TTC7B: variants seen among roughly 807,000 people sequenced by gnomAD.
TTC7B encodes tetratricopeptide repeat protein 7B.
A neutral mutation model predicts 106.8 loss-of-function variants in TTC7B; 28 were observed. The observed-to-expected ratio is 0.26, with a 90% confidence interval of 0.19 to 0.36. TTC7B has a LOEUF of 0.36. Among genes scored for constraint, TTC7B ranks in the 10% least tolerant of loss-of-function variants. The pLI, the probability that TTC7B is intolerant of heterozygous loss-of-function variation, is 1.00. For missense variants in TTC7B, 862 were observed against 1,076.4 expected (o/e 0.80, Z 2.79); for synonymous variants, 405 against 430.6 (o/e 0.94, Z 0.74).
intron 15 of TTC7B, among the ~76,000 whole-genome samples, chr14:90,638,926 A>G (rs1311378454): frequency 1.3e-5 from 2 of 152,258 alleles, no homozygotes; most frequent in Admixed American, 1.3e-4. Flanking sequence ...TTGGTTGATG[A>G]CAAAGGTGGA....
At chr14:90,656,242 A>G (rs572228716) in intron 11 of TTC7B, among the ~76,000 whole-genome samples, 1 of 152,362 alleles carries the variant, frequency 6.6e-6, no homozygotes, top group South Asian at 2.1e-4. Flanking sequence ...AAGAGCAAGG[A>G]TATAAGGGTG....
chr14:90,614,052 G>A (rs1030177925), intron 16 of TTC7B, among the ~76,000 whole-genome samples: 1 of 152,196 alleles, frequency 6.6e-6, no homozygotes, highest in African/African-American at 2.4e-5. Context: ...CCTCTTCCCA[G>A]CTCCTGGAAT....
At chr14:90,755,831 C>G (rs1226192571) in intron 3 of TTC7B, among the ~76,000 whole-genome samples, 2 of 152,238 alleles carry the variant, frequency 1.3e-5, no homozygotes, top group Non-Finnish European at 2.9e-5. Flanking sequence ...CAAAATAGCA[C>G]TTGTTTCAAC....
At chr14:90,612,494 G>T (rs902583487) in intron 16 of TTC7B, among the ~76,000 whole-genome samples, 1 of 152,158 alleles carries the variant, frequency 6.6e-6, no homozygotes, top group African/African-American at 2.4e-5. Flanking sequence ...TGAGGTATCG[G>T]CATTGCAAAG....
At chr14:90,747,622 A>G (rs192756961) in intron 3 of TTC7B, among the ~76,000 whole-genome samples, 3 of 152,164 alleles carry the variant, frequency 2.0e-5, no homozygotes, top group Admixed American at 1.3e-4. Context: ...AATGTCATAT[A>G]AATGTCGATT....
At chr14:90,546,674 A>G (rs936044318) in intron 19 of TTC7B, among the ~76,000 whole-genome samples, 4 of 152,228 alleles carry the variant, frequency 2.6e-5, no homozygotes, top group Non-Finnish European at 5.9e-5. Context: ...ATCAGCCTGC[A>G]GGAGGCAGAT....
chr14:90,603,229 T>C (rs1222141738), intron 17 of TTC7B: 5 of 1,281,452 alleles, frequency 3.9e-6, no homozygotes, highest in Non-Finnish European at 5.1e-6. Context: ...CTCGGAAGGA[T>C]TAATAGATTG....
chr14:90,644,357 T>A (rs1885342647), intron 14 of TTC7B, 149 bp from the exon 15 acceptor site: 1 of 860,832 alleles, frequency 1.2e-6, no homozygotes, highest in Non-Finnish European at 1.7e-6. Context: ...TCATTCACAT[T>A]TTAAGCCAAA....
chr14:90,581,151 G>A (rs926033766), intron 18 of TTC7B, among the ~76,000 whole-genome samples: 2 of 152,112 alleles, frequency 1.3e-5, no homozygotes, highest in Non-Finnish European at 2.9e-5. Context: ...TAGAGATAAC[G>A]GGGCCCAGGG....
chr14:90,644,673 A>C (rs1885356519), intron 14 of TTC7B: 2 of 154,008 alleles, frequency 1.3e-5, no homozygotes, highest in Non-Finnish European at 1.4e-5. Context: ...TACTGAAATT[A>C]AAGTGCTTAA....
chr14:90,768,533 A>G (rs1265047591), intron 3 of TTC7B, among the ~76,000 whole-genome samples: 1 of 152,234 alleles, frequency 6.6e-6, no homozygotes. Context: ...CATGGGTATT[A>G]CAATTTAAAA....
chr14:90,631,658 A>G (rs551194224), intron 15 of TTC7B, among the ~76,000 whole-genome samples: 1 of 151,960 alleles, frequency 6.6e-6, no homozygotes, highest in East Asian at 1.9e-4. Context: ...TGCCCATCTC[A>G]GCCTCCCAAA....
chr14:90,567,465 C>T (rs1229404309), intron 19 of TTC7B: 1 of 152,202 alleles, frequency 6.6e-6, no homozygotes, highest in Non-Finnish European at 1.5e-5. Flanking sequence ...AGACCTAGAG[C>T]TGGGGCTGTC....
At chr14:90,800,587 G>A (rs1056596346) in intron 1 of TTC7B, among the ~76,000 whole-genome samples, 26 of 151,988 alleles carry the variant, frequency 1.7e-4, no homozygotes, top group Admixed American at 1.7e-3. Context: ...CGAGGCAGGC[G>A]GATCATGAGG....
chr14:90,652,732 A>AG lies in TTC7B; in HGVS notation c.1517+108dup. The AG allele has an allele frequency of 3.1e-6, 4 of 1,275,426 alleles. 1 individual carries two copies. Among genetic ancestry groups the AG allele is most frequent in the Non-Finnish European group, 4.5e-6 (4 of 886,472 alleles). 79.0% of individuals were successfully genotyped at this position (1,275,426 alleles called of 1,614,324 possible). A position where few individuals can be genotyped will look rare whatever the true frequency, so the allele number is the denominator to read the frequency against. ...TCGGTGCTCAGGACGAAAGACTCTC[A>AG]GGGGTAAAACACTGTTTACATAATC... On this transcript the variant is annotated intron_variant, in intron 13 of 19. Transcript: ENST00000328459.
chr14:90,602,191 C>T (rs1892451158), intron 17 of TTC7B: 1 of 455,950 alleles, frequency 2.2e-6, no homozygotes, highest in Admixed American at 2.4e-5. Flanking sequence ...AATCCATGAA[C>T]ACTGATTTCC....
intron 5 of TTC7B, among the ~76,000 whole-genome samples, chr14:90,703,444 G>C (rs1467863850): frequency 6.6e-6 from 1 of 152,166 alleles, no homozygotes; most frequent in Non-Finnish European, 1.5e-5. Context: ...CACTTGAGCT[G>C]GAAGTTCGAG....
intron 5 of TTC7B, among the ~76,000 whole-genome samples, chr14:90,717,694 G>A (rs1292734257): frequency 6.6e-6 from 1 of 152,152 alleles, no homozygotes; most frequent in Non-Finnish European, 1.5e-5. Context: ...TTAAAAACAG[G>A]TAGGAAATAT....
At chr14:90,609,327 C>T (rs1892782844) in intron 17 of TTC7B, among the ~76,000 whole-genome samples, 1 of 152,182 alleles carries the variant, frequency 6.6e-6, no homozygotes, top group Non-Finnish European at 1.5e-5. Context: ...TTCCAGTGCC[C>T]AAAAATCTTT....
Sources: gnomAD v4.1 joint callset for allele counts (sites outside exome capture counted in the v4.1 genomes callset) on GRCh38, gnomAD v4.1.1 for gene constraint, MANE v1.5 for transcripts, NCBI Gene and HGNC (gene_info 2026-07-23, HGNC 2026-07-21) for gene names.